The following UBE4B variants were observed in gnomAD, a reference collection of about 807,000 sequenced individuals.
The protein encoded by UBE4B is ubiquitination factor E4B.
Under a neutral mutation model 148.1 loss-of-function variants are expected in UBE4B, and 27 were observed. The ratio of observed to expected loss-of-function variants is 0.18; its 90% CI spans 0.13 to 0.25. The LOEUF is 0.25. UBE4B is among the 10% of genes least tolerant of loss of function. The pLI is 1.00. For missense variants in UBE4B, 1,170 were observed against 1,662.4 expected, an observed-to-expected ratio of 0.70 and a Z score of 5.15; for synonymous variants, 596 against 619.3, an observed-to-expected ratio of 0.96 and a Z score of 0.56.
chr1:10,149,315 T>A, intron 20 of UBE4B, 33 bp downstream of exon 20: 2 of 1,483,978 alleles, frequency 1.3e-6, no homozygotes, highest in Non-Finnish European at 9.2e-7. Context: ...ATAGTTCTAA[T>A]ATGTTTTTAT....
intron 8 of UBE4B, among the ~76,000 whole-genome samples, chr1:10,119,185 C>A (rs1483112116): frequency 6.6e-6 from 1 of 151,990 alleles, no homozygotes; most frequent in Non-Finnish European, 1.5e-5. Flanking sequence ...CCGGCCCAGG[C>A]TAGTCTTAAA....
At chr1:10,109,674 G>A (rs1433337253) in intron 7 of UBE4B, among the ~76,000 whole-genome samples, 1 of 150,524 alleles carries the variant, frequency 6.6e-6, no homozygotes, top group Non-Finnish European at 1.5e-5. Flanking sequence ...TTTTTGAGAC[G>A]GAGTCTTGCT....
intron 10 of UBE4B, among the ~76,000 whole-genome samples, chr1:10,124,544 G>A (rs954709801): frequency 6.6e-6 from 1 of 152,142 alleles, no homozygotes; most frequent in African/African-American, 2.4e-5. Context: ...ACTCAGTGTT[G>A]AATACTCTTT....
At chr1:10,109,944 C>T (rs1645191378) in intron 7 of UBE4B, among the ~76,000 whole-genome samples, 1 of 152,126 alleles carries the variant, frequency 6.6e-6, no homozygotes, top group Non-Finnish European at 1.5e-5. Flanking sequence ...GGTGGTCCGC[C>T]CACCTCGGCC....
chr1:10,139,581 A>G (rs546999870), intron 17 of UBE4B, among the ~76,000 whole-genome samples: 1 of 152,336 alleles, frequency 6.6e-6, no homozygotes, highest in South Asian at 2.1e-4. Flanking sequence ...CAGTTAATAT[A>G]TATAAGACTA....
At chr1:10,144,074 T>C (rs763268894) in intron 17 of UBE4B, among the ~76,000 whole-genome samples, 1 of 152,080 alleles carries the variant, frequency 6.6e-6, no homozygotes, top group East Asian at 1.9e-4. Flanking sequence ...GTTGAAATAG[T>C]GTTAAGAGAG....
chr1:10,116,728 ACTG>A (rs1645315966), intron 7 of UBE4B, among the ~76,000 whole-genome samples: 1 of 152,158 alleles, frequency 6.6e-6, no homozygotes, highest in Admixed American at 6.5e-5. Context: ...CACAGTATAG[ACTG>A]CTGATATTTT....
At chr1:10,070,262 G>A (rs761353420) in intron 1 of UBE4B, among the ~76,000 whole-genome samples, 3 of 149,344 alleles carry the variant, frequency 2.0e-5, no homozygotes, top group African/African-American at 5.0e-5. Flanking sequence ...TGACAAGAGC[G>A]AAACTCCGTC....
chr1:10,087,930 A>C (rs1417915866), intron 2 of UBE4B, among the ~76,000 whole-genome samples: 1 of 152,212 alleles, frequency 6.6e-6, no homozygotes, highest in Non-Finnish European at 1.5e-5. Flanking sequence ...AATCTCTTAG[A>C]TCAGTATGAA....
At position 10,106,221 on chromosome 1, in the gene UBE4B, C is replaced by G; in HGVS notation, c.834C>G (p.Pro278=). Residue 278 remains proline (P), a synonymous_variant, in exon 7 of 28, where the codon CCC becomes CCG. Coordinates refer to ENST00000343090, the MANE Select transcript of UBE4B (RefSeq NM_001105562.3). The surrounding 1 kb of genome is among the most constrained non-coding windows in gnomAD (Gnocchi z 4.2). ...LSSLYESSPA[P]TPSFWSSVPV... ...GCCTCTATGAAAGTAGTCCGGCTCC[C>G]ACTCCCAGTTTCTGGAGCTCTGTTC... The G allele has an allele frequency of 6.2e-7, 1 of 1,605,114 alleles. No homozygotes were observed. The highest frequency in any genetic ancestry group is 8.5e-7 in the Non-Finnish European group (1 of 1,173,058).
chr1:10,046,187 C>G lies in UBE4B; in HGVS notation c.24+12493C>G, dbSNP rs189427964. Among the ~76,000 whole-genome samples, 8 of 152,302 alleles carry G rather than the reference C, an allele frequency of 5.3e-5. 1 individual carries two copies. The highest frequency in any genetic ancestry group is 1.2e-4 in the Non-Finnish European group (8 of 68,028). ...CTGTTTACCTCTCACTGGCTGGAAC[C>G]CAAGTCACATGGCCACAGCTACTTG... On this transcript the variant is annotated intron_variant, in intron 1 of 27. Transcript: ENST00000343090.
intron 17 of UBE4B, among the ~76,000 whole-genome samples, chr1:10,143,112 G>T (rs1645810101): frequency 6.6e-6 from 1 of 151,908 alleles, no homozygotes; most frequent in South Asian, 2.1e-4. Context: ...TCTCAAAAAA[G>T]CAAAAAACAA....
intron 10 of UBE4B, among the ~76,000 whole-genome samples, chr1:10,123,883 C>T (rs1645449714): frequency 6.6e-6 from 1 of 152,168 alleles, no homozygotes; most frequent in South Asian, 2.1e-4. Context: ...AAGCGATTCT[C>T]CTGCCTTAGC....
At chr1:10,097,535 G>A (rs1220209299) in intron 3 of UBE4B, among the ~76,000 whole-genome samples, 1 of 152,166 alleles carries the variant, frequency 6.6e-6, no homozygotes, top group Non-Finnish European at 1.5e-5. Context: ...ATCAGGCCAG[G>A]AGCAGTGGCT....
intron 3 of UBE4B, among the ~76,000 whole-genome samples, chr1:10,100,611 A>G (rs989099021): frequency 1.3e-5 from 2 of 152,034 alleles, no homozygotes; most frequent in Non-Finnish European, 2.9e-5. Flanking sequence ...CTGGAGTGCA[A>G]TGGTGCGATC....
chr1:10,075,830 T>C (rs1273978754), intron 2 of UBE4B, among the ~76,000 whole-genome samples: 1 of 152,084 alleles, frequency 6.6e-6, no homozygotes, highest in Non-Finnish European at 1.5e-5. Context: ...GGTGGGAGGA[T>C]CCCTTGAGCC....
At position 10,157,826 on chromosome 1, in the gene UBE4B, A is replaced by G. The variant is rs575128693; in HGVS notation, c.2927-530A>G. ...TTTGTCATGAATTCTGAAATTTCTC[A>G]TGCCTAAGCTTTTGCCATTTGGACA... On this transcript the variant is annotated intron_variant, in intron 21 of 27. Transcript: ENST00000343090. Among the ~76,000 whole-genome samples the G allele has an allele frequency of 1.5e-3, 221 of 152,252 alleles. 1 individual carries two copies. Among genetic ancestry groups the G allele is most frequent in the African/African-American group, 4.9e-3 (203 of 41,554 alleles).
chr1:10,154,847 A>G (rs57325800), intron 21 of UBE4B, among the ~76,000 whole-genome samples: 3,046 of 152,284 alleles, frequency 0.02, 94 homozygotes, highest in African/African-American at 0.068. Context: ...CATCTCAAAA[A>G]AAAAAAAAAG....
chr1:10,098,430 A>C (rs1414763876), intron 3 of UBE4B, among the ~76,000 whole-genome samples: 1 of 152,200 alleles, frequency 6.6e-6, no homozygotes, highest in East Asian at 1.9e-4. Context: ...AGTTCACCAA[A>C]TATTCCACAG....
Sources: allele counts gnomAD v4.1 joint callset (sites outside exome capture counted in the v4.1 genomes callset), GRCh38; gene constraint gnomAD v4.1.1; non-coding constraint Gnocchi (gnomAD v3.1); transcripts MANE v1.5; gene names NCBI Gene and HGNC (gene_info 2026-07-23, HGNC 2026-07-21).